Variants in MTCL2 observed in about 807,000 individuals in gnomAD.
MTCL2 encodes microtubule cross-linking factor 2.
the MTCL2 span, among the ~76,000 whole-genome samples, chr20:36,842,593 G>A: frequency 3.7e-4 from 57 of 152,306 alleles, 1 homozygote; most frequent in East Asian, 8.7e-3. Context: ...CCAACATGGT[G>A]AAATCCCGTC....
the MTCL2 span, among the ~76,000 whole-genome samples, chr20:36,840,133 G>A: frequency 1.4e-4 from 21 of 150,014 alleles, no homozygotes; most frequent in African/African-American, 5.2e-4. Context: ...CAAAGTGCTG[G>A]GAACAGGTAT....
the MTCL2 span, chr20:36,804,621 CA>C: frequency 5.0e-6 from 7 of 1,395,360 alleles, no homozygotes; most frequent in African/African-American, 1.4e-5. Context: ...ACAGGTGAAG[CA>C]ACGGCATTCT....
the MTCL2 span, among the ~76,000 whole-genome samples, chr20:36,806,721 C>T: frequency 1.4e-4 from 21 of 152,030 alleles, no homozygotes; most frequent in African/African-American, 3.6e-4. Flanking sequence ...GGTTTCATCA[C>T]GTTGACCAGA....
At chr20:36,787,231 TA>T in the MTCL2 span, among the ~76,000 whole-genome samples, 1 of 152,078 alleles carries the variant, frequency 6.6e-6, no homozygotes, top group African/African-American at 2.4e-5. Flanking sequence ...TCGCTTTTTT[TA>T]TTTTTTTATT....
chr20:36,804,114 C>A, the MTCL2 span, among the ~76,000 whole-genome samples: 1 of 152,112 alleles, frequency 6.6e-6, no homozygotes, highest in Non-Finnish European at 1.5e-5. Flanking sequence ...ATCTGTCCAG[C>A]AGAGACCATC....
the MTCL2 span, among the ~76,000 whole-genome samples, chr20:36,851,959 C>T: frequency 1.3e-5 from 2 of 152,156 alleles, no homozygotes; most frequent in African/African-American, 2.4e-5. Context: ...AAGCTAATGC[C>T]CATGGGTGCT....
chr20:36,851,454 C>T, the MTCL2 span, among the ~76,000 whole-genome samples: 1 of 152,238 alleles, frequency 6.6e-6, no homozygotes, highest in Admixed American at 6.5e-5. Flanking sequence ...CGCCTCCTCT[C>T]ACTGGCAACA....
chr20:36,839,052 C>T, the MTCL2 span, among the ~76,000 whole-genome samples: 8 of 151,982 alleles, frequency 5.3e-5, no homozygotes, highest in South Asian at 2.1e-4. This position sits in a 1 kb window ranked among gnomAD's most constrained non-coding sequence, Gnocchi z 5.1. Flanking sequence ...TTGATAGAAG[C>T]CCTGTGGGTT....
chr20:36,808,249 G>A, the MTCL2 span, among the ~76,000 whole-genome samples: 39 of 151,634 alleles, frequency 2.6e-4, no homozygotes, highest in African/African-American at 6.8e-4. Context: ...CCAGCTACTC[G>A]GGAGGCTGAG....
chr20:36,830,713 G>C, the MTCL2 span, among the ~76,000 whole-genome samples: 1 of 152,190 alleles, frequency 6.6e-6, no homozygotes, highest in Non-Finnish European at 1.5e-5. Flanking sequence ...TTTCCTCTCT[G>C]TACCTCAGTC....
chr20:36,815,357 A>T, the MTCL2 span: 1 of 1,613,770 alleles, frequency 6.2e-7, no homozygotes, highest in South Asian at 1.1e-5. The surrounding 1 kb of genome is among the most constrained non-coding windows in gnomAD (Gnocchi z 5.3). Context: ...CGGGGGCCTC[A>T]TGCAGCCGGA....
chr20:36,854,403 C>A, the MTCL2 span, among the ~76,000 whole-genome samples: 1 of 152,124 alleles, frequency 6.6e-6, no homozygotes, highest in African/African-American at 2.4e-5. Context: ...GACACAGGAG[C>A]CTGACCTGGG....
the MTCL2 span, among the ~76,000 whole-genome samples, chr20:36,792,893 CAGACAGAT>C: frequency 6.3e-4 from 93 of 148,584 alleles, no homozygotes; most frequent in African/African-American, 1.8e-3. Context: ...GACAGACAGA[CAGACAGAT>C]AGATAATTTT....
chr20:36,790,428 CTTTTTTTT>C, the MTCL2 span, among the ~76,000 whole-genome samples: 3 of 101,128 alleles, frequency 3.0e-5, no homozygotes, highest in Non-Finnish European at 5.8e-5. Context: ...ACGCCTGGCC[CTTTTTTTT>C]TTTTTTTTTT....
At chr20:36,789,988 ATTTTTTT>A in the MTCL2 span, among the ~76,000 whole-genome samples, 4 of 110,736 alleles carry the variant, frequency 3.6e-5, no homozygotes, top group Admixed American at 1.8e-4. Context: ...TAATTTTTGT[ATTTTTTT>A]TTTTTTTTTT....
the MTCL2 span, chr20:36,784,182 TG>T: frequency 1.0e-6 from 1 of 986,018 alleles, no homozygotes; most frequent in Non-Finnish European, 1.2e-6. Flanking sequence ...TGTGGCCTGA[TG>T]TGAATCCCCT....
chr20:36,836,438 A>G, the MTCL2 span, among the ~76,000 whole-genome samples: 2 of 137,164 alleles, frequency 1.5e-5, no homozygotes. Context: ...TCGGCCTCCC[A>G]GGTTCAAGCG....
At chr20:36,784,364 G>T in the MTCL2 span, 1 of 985,752 alleles carries the variant, frequency 1.0e-6, no homozygotes, top group African/African-American at 1.7e-5. Flanking sequence ...TCAGCCTGCA[G>T]GGAAGGGAGA....
At chr20:36,837,808 C>G in the MTCL2 span, among the ~76,000 whole-genome samples, 3 of 151,998 alleles carry the variant, frequency 2.0e-5, no homozygotes. Context: ...AACTCCTGAC[C>G]TCAGGTGATC....
Sources: gnomAD v4.1 joint callset for allele counts (sites outside exome capture counted in the v4.1 genomes callset) on GRCh38, gnomAD v4.1.1 for gene constraint, Gnocchi (gnomAD v3.1) non-coding constraint, MANE v1.5 for transcripts, NCBI Gene and HGNC (gene_info 2026-07-23, HGNC 2026-07-21) for gene names.